C7: variants seen among roughly 807,000 people sequenced by gnomAD.
C7 encodes complement C7.
C7 carries 83 observed loss-of-function variants against 104.8 expected under a neutral mutation model. The observed-to-expected ratio is 0.79, with a 90% CI of 0.66 to 0.95. The LOEUF is 0.95. Among genes scored for constraint, C7 ranks in the 40% least tolerant of loss-of-function variants. The pLI, the probability that C7 is intolerant of heterozygous loss-of-function variation, is 0.00. For synonymous variants in C7, 415 were observed against 360.6 expected (o/e 1.15, Z -1.71); for missense variants, 1,070 against 1,011.2 (o/e 1.06, Z -0.79).
At chr5:40,929,865 A>G (rs1739641793) in intron 2 of C7, among the ~76,000 whole-genome samples, 1 of 152,192 alleles carries the variant, frequency 6.6e-6, no homozygotes, top group Non-Finnish European at 1.5e-5. Context: ...ATTCCTGTCC[A>G]TTCAGCCTCT....
intron 1 of C7, among the ~76,000 whole-genome samples, chr5:40,925,064 A>G (rs916155696): frequency 6.6e-6 from 1 of 152,090 alleles, no homozygotes; most frequent in Non-Finnish European, 1.5e-5. Flanking sequence ...TCCTCTCCTG[A>G]TGATCCTTTT....
chr5:40,941,473 A>G (rs181584981), intron 6 of C7, among the ~76,000 whole-genome samples: 72 of 152,290 alleles, frequency 4.7e-4, no homozygotes, highest in African/African-American at 1.6e-3. Context: ...AGTAAATAAA[A>G]AAGACTTTTT....
chr5:40,933,940 CTTT>C (rs200031049), intron 3 of C7, among the ~76,000 whole-genome samples: 1 of 142,660 alleles, frequency 7.0e-6, no homozygotes. Context: ...TTTTTCTTTT[CTTT>C]TTTTTTTTTT....
At chr5:40,925,683 T>C (rs542749057) in intron 1 of C7, among the ~76,000 whole-genome samples, 11 of 152,260 alleles carry the variant, frequency 7.2e-5, no homozygotes, top group African/African-American at 2.4e-5. Flanking sequence ...TTTAATTGGG[T>C]CTTGGTTCTG....
At chr5:40,962,394 TCAA>T (rs1740440922) in intron 13 of C7, among the ~76,000 whole-genome samples, 2 of 152,284 alleles carry the variant, frequency 1.3e-5, no homozygotes, top group African/African-American at 4.8e-5. Flanking sequence ...GTGTGGGAAA[TCAA>T]CACTGCCACC....
At chr5:40,974,141 C>T (rs1050583757) in intron 15 of C7, among the ~76,000 whole-genome samples, 2 of 152,040 alleles carry the variant, frequency 1.3e-5, no homozygotes, top group Admixed American at 6.6e-5. Context: ...CATTGTTGTG[C>T]AACCATCACC....
chr5:40,917,751 T>A (rs1739350509), intron 1 of C7, among the ~76,000 whole-genome samples: 1 of 152,220 alleles, frequency 6.6e-6, no homozygotes, highest in Admixed American at 6.5e-5. Flanking sequence ...TCACTTAGCC[T>A]TCTCCATGGT....
chr5:40,933,472 G>T (rs537891613), intron 3 of C7, among the ~76,000 whole-genome samples: 165 of 152,282 alleles, frequency 1.1e-3, no homozygotes, highest in African/African-American at 3.8e-3. Flanking sequence ...TGTCTTCATA[G>T]TGAATGAGGA....
intron 5 of C7, chr5:40,937,113 G>T (rs904818355): frequency 5.2e-5 from 8 of 152,774 alleles, no homozygotes; most frequent in African/African-American, 1.7e-4. Context: ...TATTAACAGA[G>T]AAATAGGGTA....
chr5:40,965,646 A>ATTT (rs1247964584), intron 14 of C7, among the ~76,000 whole-genome samples: 1,510 of 99,048 alleles, frequency 0.015, 13 homozygotes, highest in Middle Eastern at 0.044. Flanking sequence ...ATATATATAT[A>ATTT]TATTTTTTTT....
chr5:40,965,693 G>C (rs58509473), intron 14 of C7, among the ~76,000 whole-genome samples: 1 of 149,684 alleles, frequency 6.7e-6, no homozygotes, highest in Non-Finnish European at 1.5e-5. Flanking sequence ...CAAGGCTGGA[G>C]TGCAGTGGTG....
chr5:40,926,164 A>G (rs1304566363), intron 1 of C7, among the ~76,000 whole-genome samples: 1 of 152,238 alleles, frequency 6.6e-6, no homozygotes, highest in Non-Finnish European at 1.5e-5. Context: ...AAACTATATG[A>G]TCATCTTGTT....
At chr5:40,945,511 A>G (rs28413585) in intron 7 of C7, 143 bp downstream of exon 7, 5,740 of 562,468 alleles carry the variant, frequency 0.01, 197 homozygotes, top group East Asian at 0.089. Flanking sequence ...AGTCAATGCA[A>G]TATCTTTCTC....
intron 13 of C7, among the ~76,000 whole-genome samples, chr5:40,962,804 A>C (rs981564466): frequency 1.4e-4 from 22 of 152,184 alleles, no homozygotes; most frequent in Admixed American, 1.2e-3. Context: ...TTCATGGCTC[A>C]CACAGGATAT....
intron 1 of C7, among the ~76,000 whole-genome samples, chr5:40,915,162 C>A (rs1263403951): frequency 6.6e-6 from 1 of 152,182 alleles, no homozygotes; most frequent in African/African-American, 2.4e-5. Flanking sequence ...CACAAAAACA[C>A]TGGGAGAGAT....
intron 14 of C7, among the ~76,000 whole-genome samples, chr5:40,970,718 C>A (rs985122769): frequency 6.6e-6 from 1 of 152,058 alleles, no homozygotes; most frequent in Non-Finnish European, 1.5e-5. Flanking sequence ...TTTTAAGCCT[C>A]GCATGCATTA....
intron 14 of C7, among the ~76,000 whole-genome samples, chr5:40,967,982 G>A (rs1299276220): frequency 6.6e-6 from 1 of 152,022 alleles, no homozygotes; most frequent in Non-Finnish European, 1.5e-5. Flanking sequence ...TGACCATTAT[G>A]TCCTAAAACA....
rs773008283 is a variant in C7, at chr5:40,958,217, T to C, written c.1445T>C (p.Phe482Ser). ...CTGTGCCATTGCAAACCGTACACAT[T>C]TGGTGCGGCGTGTGAGCAAGGAGTC... ...HCLCHCKPYT[F>S]GAACEQGVLV... The change falls in exon 11 of 18, where the codon TTT becomes TCT. Residue 482 changes from phenylalanine to serine, a missense_variant. Physicochemically the swap from Phe to Ser is radical, Grantham distance 155. Coordinates refer to ENST00000313164, the MANE Select transcript of C7 (RefSeq NM_000587.4). 2 of 1,612,862 alleles carry C rather than the reference T, an allele frequency of 1.2e-6. No individual in the cohort carries two copies. The highest frequency in any genetic ancestry group is 1.1e-5 in the South Asian group (1 of 90,886).
At chr5:40,966,240 T>C (rs774775774) in intron 14 of C7, among the ~76,000 whole-genome samples, 8 of 152,216 alleles carry the variant, frequency 5.3e-5, no homozygotes, top group Non-Finnish European at 8.8e-5. Context: ...ACCCAGTTTG[T>C]AGTCTTTTAT....
Sources: allele counts gnomAD v4.1 joint callset (sites outside exome capture counted in the v4.1 genomes callset), GRCh38; gene constraint gnomAD v4.1.1; transcripts MANE v1.5; gene names NCBI Gene and HGNC (gene_info 2026-07-23, HGNC 2026-07-21).